Variants in FARS2 observed in about 807,000 individuals in gnomAD.
The protein encoded by FARS2 is phenylalanyl-tRNA synthetase 2, mitochondrial.
FARS2 carries 40 observed loss-of-function variants against 46.4 expected under a neutral mutation model. The ratio of observed to expected loss-of-function variants is 0.86; its 90% confidence interval spans 0.67 to 1.12. The LOEUF (loss-of-function observed/expected upper bound fraction) is 1.12, where lower values mean the gene tolerates loss of function less well. Among genes scored for constraint, FARS2 ranks in the 50% most tolerant of loss-of-function variants. FARS2 has a pLI of 0.00. For missense variants in FARS2, 513 were observed against 567.9 expected, an observed-to-expected ratio of 0.90 and a Z score of 0.98; for synonymous variants, 234 against 214.9, an observed-to-expected ratio of 1.09 and a Z score of -0.78.
At chr6:5,303,612 C>T (rs924698024) in intron 1 of FARS2, among the ~76,000 whole-genome samples, 11 of 151,964 alleles carry the variant, frequency 7.2e-5, no homozygotes, top group Admixed American at 4.6e-4. Context: ...GCTCCCCAAG[C>T]CCCCTGCTTC....
At chr6:5,661,656 A>G (rs965573290) in intron 6 of FARS2, among the ~76,000 whole-genome samples, 3 of 152,182 alleles carry the variant, frequency 2.0e-5, no homozygotes, top group Admixed American at 6.5e-5. Context: ...GCATTTAGCA[A>G]TAGGGGTCAC....
intron 5 of FARS2, among the ~76,000 whole-genome samples, chr6:5,563,145 A>G (rs1186637426): frequency 6.6e-6 from 1 of 152,126 alleles, no homozygotes; most frequent in Non-Finnish European, 1.5e-5. Flanking sequence ...CCAGCCAGGT[A>G]TATATGCAGA....
rs138929010 is a variant in FARS2, at chr6:5,634,329, G to A, written c.1217+21009G>A. Among the ~76,000 whole-genome samples, 40 of 152,278 alleles carry A rather than the reference G, an allele frequency of 2.6e-4. No homozygotes were observed. The East Asian group carries it at 7.5e-3, about 29-fold the overall frequency. ...TTTTTATTTTTATTTTTGAGACAGA[G>A]TCTCGCTCTGTCACCCAGGCTGGAG... On this transcript the variant is annotated intron_variant, in intron 6 of 6. Coordinates refer to ENST00000274680, the MANE Select transcript of FARS2 (RefSeq NM_006567.5).
intron 5 of FARS2, among the ~76,000 whole-genome samples, chr6:5,582,270 C>T (rs564798465): frequency 5.9e-4 from 88 of 149,220 alleles, no homozygotes; most frequent in Non-Finnish European, 1.2e-3. Context: ...GTCACAGTAA[C>T]ATACTTCCGG....
chr6:5,561,799 T>A (rs1771999409), intron 5 of FARS2, among the ~76,000 whole-genome samples: 1 of 152,130 alleles, frequency 6.6e-6, no homozygotes, highest in Admixed American at 6.5e-5. Context: ...ATATTGGAGC[T>A]TCTTAGTTAT....
intron 1 of FARS2, among the ~76,000 whole-genome samples, chr6:5,362,927 CTTTT>C (rs55686418): frequency 8.1e-6 from 1 of 124,220 alleles, no homozygotes. Context: ...TTCTTTCTTT[CTTTT>C]TTTTTTTTTT....
chr6:5,303,031 A>T (rs1768432785), intron 1 of FARS2, among the ~76,000 whole-genome samples: 1 of 152,188 alleles, frequency 6.6e-6, no homozygotes, highest in Admixed American at 6.5e-5. Flanking sequence ...TGACCCTTAT[A>T]ATGATCCTGT....
At chr6:5,654,679 GA>G (rs978439376) in intron 6 of FARS2, among the ~76,000 whole-genome samples, 34 of 152,260 alleles carry the variant, frequency 2.2e-4, no homozygotes, top group South Asian at 2.1e-4. Flanking sequence ...CACTGCACCT[GA>G]GACCCCTCGG....
At chr6:5,648,317 C>T (rs954561346) in intron 6 of FARS2, among the ~76,000 whole-genome samples, 1 of 152,216 alleles carries the variant, frequency 6.6e-6, no homozygotes, top group Non-Finnish European at 1.5e-5. Flanking sequence ...TTACGTGGAG[C>T]CCTCAGTCTC....
At chr6:5,497,198 C>T (rs1237099873) in intron 4 of FARS2, among the ~76,000 whole-genome samples, 1 of 152,134 alleles carries the variant, frequency 6.6e-6, no homozygotes, top group Non-Finnish European at 1.5e-5. Flanking sequence ...ATATAAAATA[C>T]AACAATACAT....
chr6:5,417,129 A>G (rs1274141243), intron 3 of FARS2, among the ~76,000 whole-genome samples: 1 of 152,014 alleles, frequency 6.6e-6, no homozygotes, highest in Non-Finnish European at 1.5e-5. Context: ...ATTCTTTTGC[A>G]TTTGTATGTC....
chr6:5,631,194 A>G (rs1776276747), intron 6 of FARS2, among the ~76,000 whole-genome samples: 1 of 152,230 alleles, frequency 6.6e-6, no homozygotes, highest in Admixed American at 6.5e-5. Context: ...AGTTGATTAT[A>G]TTTAGAATTT....
chr6:5,473,086 G>A (rs982079251), intron 4 of FARS2, among the ~76,000 whole-genome samples: 8 of 152,046 alleles, frequency 5.3e-5, no homozygotes, highest in South Asian at 2.1e-4. Flanking sequence ...TTTTGTTCTC[G>A]TTTAGATGTT....
chr6:5,464,722 T>C (rs979752778), intron 4 of FARS2, among the ~76,000 whole-genome samples: 1 of 152,170 alleles, frequency 6.6e-6, no homozygotes, highest in Admixed American at 6.5e-5. Context: ...CAGCATTCCG[T>C]ACATTTTTAT....
intron 1 of FARS2, among the ~76,000 whole-genome samples, chr6:5,266,952 C>T (rs1046820562): frequency 3.8e-4 from 58 of 152,046 alleles, no homozygotes; most frequent in African/African-American, 1.4e-3. Context: ...ACTCACATTT[C>T]TGTAGAAGCT....
intron 1 of FARS2, among the ~76,000 whole-genome samples, chr6:5,288,577 T>C (rs1475987591): frequency 1.3e-5 from 2 of 152,220 alleles, no homozygotes; most frequent in African/African-American, 4.8e-5. Context: ...CCGTGATCTG[T>C]GGTTTTGAAT....
At chr6:5,427,618 A>G (rs1409534788) in intron 3 of FARS2, among the ~76,000 whole-genome samples, 1 of 152,100 alleles carries the variant, frequency 6.6e-6, no homozygotes, top group African/African-American at 2.4e-5. Context: ...TTACTATGGT[A>G]GTATCAATAG....
intron 1 of FARS2, among the ~76,000 whole-genome samples, chr6:5,285,936 T>C (rs1222686277): frequency 1.3e-5 from 2 of 152,224 alleles, no homozygotes; most frequent in Admixed American, 1.3e-4. Flanking sequence ...AATATGGTTC[T>C]TCACTTTGCT....
chr6:5,687,111 T>G (rs564635875), intron 6 of FARS2, among the ~76,000 whole-genome samples: 2 of 152,376 alleles, frequency 1.3e-5, no homozygotes, highest in South Asian at 4.1e-4. Context: ...CTTTGTCAGA[T>G]AAGTAGATTG....
Sources: allele counts gnomAD v4.1 joint callset (sites outside exome capture counted in the v4.1 genomes callset), GRCh38; gene constraint gnomAD v4.1.1; transcripts MANE v1.5; gene names NCBI Gene and HGNC (gene_info 2026-07-23, HGNC 2026-07-21).